CCSER1: variants seen among roughly 807,000 people sequenced by gnomAD.
The protein encoded by CCSER1 is serine-rich coiled-coil domain-containing protein 1.
A neutral mutation model predicts 82.0 loss-of-function variants in CCSER1; 41 were observed. That is an observed-to-expected ratio of 0.50 (90% CI 0.39 to 0.65). The LOEUF is 0.65. Ranked by LOEUF, CCSER1 falls within the 30% of genes least tolerant of loss-of-function variation. The pLI is 0.00. For missense variants in CCSER1, 1,119 were observed against 1,064.2 expected, an observed-to-expected ratio of 1.05 and a Z score of -0.72; for synonymous variants, 414 against 383.9, an observed-to-expected ratio of 1.08 and a Z score of -0.92.
At chr4:90,405,848 A>G (rs1753631213) in intron 4 of CCSER1, among the ~76,000 whole-genome samples, 1 of 152,226 alleles carries the variant, frequency 6.6e-6, no homozygotes, top group Non-Finnish European at 1.5e-5. Flanking sequence ...CACTACAGGA[A>G]CTGCCAAAAG....
intron 6 of CCSER1, among the ~76,000 whole-genome samples, chr4:90,719,436 TA>T (rs1742288926): frequency 6.6e-6 from 1 of 152,136 alleles, no homozygotes; most frequent in Admixed American, 6.6e-5. Flanking sequence ...ACGTGCACAA[TA>T]AATGTACTTG....
At chr4:91,164,803 A>G (rs1172808100) in intron 10 of CCSER1, among the ~76,000 whole-genome samples, 1 of 152,122 alleles carries the variant, frequency 6.6e-6, no homozygotes, top group Non-Finnish European at 1.5e-5. Flanking sequence ...GGTCTTCTCC[A>G]CACTGTTCAT....
At chr4:91,436,100 G>C (rs930208675) in intron 10 of CCSER1, among the ~76,000 whole-genome samples, 1 of 152,052 alleles carries the variant, frequency 6.6e-6, no homozygotes, top group African/African-American at 2.4e-5. Flanking sequence ...TTATTAGGTT[G>C]GTTCAAACAT....
intron 10 of CCSER1, among the ~76,000 whole-genome samples, chr4:91,395,233 AG>A (rs901632541): frequency 2.2e-4 from 34 of 152,188 alleles, no homozygotes; most frequent in African/African-American, 7.7e-4. Flanking sequence ...CAGTTACAGG[AG>A]CAAAATGTTC....
At chr4:91,551,074 C>G (rs1056937300) in intron 10 of CCSER1, among the ~76,000 whole-genome samples, 1 of 151,862 alleles carries the variant, frequency 6.6e-6, no homozygotes. Flanking sequence ...TACTATATTT[C>G]TAGGGGCATG....
intron 10 of CCSER1, among the ~76,000 whole-genome samples, chr4:91,224,760 G>A (rs1446228681): frequency 6.6e-6 from 1 of 151,904 alleles, no homozygotes; most frequent in Non-Finnish European, 1.5e-5. Flanking sequence ...CATTAAACAT[G>A]AGAATATTTC....
At chr4:91,254,227 C>T (rs1013255832) in intron 10 of CCSER1, among the ~76,000 whole-genome samples, 1 of 152,154 alleles carries the variant, frequency 6.6e-6, no homozygotes, top group Non-Finnish European at 1.5e-5. Flanking sequence ...GACGTATACA[C>T]AGAAGACTTT....
chr4:91,092,322 A>C (rs1724047244), intron 10 of CCSER1, among the ~76,000 whole-genome samples: 1 of 152,214 alleles, frequency 6.6e-6, no homozygotes, highest in Non-Finnish European at 1.5e-5. Context: ...TCAAAGAAGC[A>C]CATGGGTTAC....
intron 10 of CCSER1, among the ~76,000 whole-genome samples, chr4:91,402,519 T>C (rs1376947663): frequency 6.6e-6 from 1 of 152,326 alleles, no homozygotes; most frequent in African/African-American, 2.4e-5. Context: ...AGAATTTTTA[T>C]GGTTTTAGGT....
intron 5 of CCSER1, among the ~76,000 whole-genome samples, chr4:90,559,746 C>G (rs529087456): frequency 7.1e-6 from 1 of 141,688 alleles, no homozygotes; most frequent in African/African-American, 2.7e-5. Flanking sequence ...GGAGGCGGAG[C>G]TTGCAGTGCG....
intron 9 of CCSER1, among the ~76,000 whole-genome samples, chr4:91,052,032 A>T (rs6837092): frequency 0.17 from 25,769 of 152,054 alleles, 2,268 homozygotes; most frequent in Admixed American, 0.22. Context: ...AATATTTTTT[A>T]AAATTTATAT....
chr4:91,495,604 C>T (rs1758758813), intron 10 of CCSER1, among the ~76,000 whole-genome samples: 1 of 151,228 alleles, frequency 6.6e-6, no homozygotes, highest in Non-Finnish European at 1.5e-5. Context: ...TACTTCAATT[C>T]CATGAGTCAT....
intron 1 of CCSER1, among the ~76,000 whole-genome samples, chr4:90,210,725 A>G (rs1202978650): frequency 6.6e-6 from 1 of 152,206 alleles, no homozygotes; most frequent in African/African-American, 2.4e-5. Flanking sequence ...GATTATGGGC[A>G]TGAACTACCG....
At chr4:90,733,519 A>T (rs1216029385) in intron 7 of CCSER1, among the ~76,000 whole-genome samples, 1 of 152,076 alleles carries the variant, frequency 6.6e-6, no homozygotes, top group Non-Finnish European at 1.5e-5. Flanking sequence ...GTTGTGCAAA[A>T]GCTTTTTAAC....
chr4:90,575,172 G>A (rs1780601062), intron 5 of CCSER1, among the ~76,000 whole-genome samples: 1 of 152,034 alleles, frequency 6.6e-6, no homozygotes, highest in African/African-American at 2.4e-5. Flanking sequence ...ATTTTATGTT[G>A]CTATAACAAA....
chr4:91,139,160 C>T (rs78929613), intron 10 of CCSER1, among the ~76,000 whole-genome samples: 3,249 of 152,186 alleles, frequency 0.021, 100 homozygotes, highest in African/African-American at 0.073. Flanking sequence ...TGGGTTAATT[C>T]ATTTAGAAGA....
At chr4:90,874,453 C>T (rs972510239) in intron 8 of CCSER1, among the ~76,000 whole-genome samples, 1 of 151,806 alleles carries the variant, frequency 6.6e-6, no homozygotes, top group Non-Finnish European at 1.5e-5. Context: ...AAAAATCTCA[C>T]CATGGGGTTT....
Position 90,594,804 on chromosome 4 carries a change from C to A in CCSER1, c.1725-33221C>A, listed in dbSNP as rs558242377. Among the ~76,000 whole-genome samples, 4 of 152,010 alleles carry A rather than the reference C, an allele frequency of 2.6e-5. No homozygotes were observed. The East Asian group carries it at 7.7e-4, about 29-fold the overall frequency. Reference sequence around the variant, plus strand: ...CCCCAAACATTGAAAATACATGAGACAAGTGACCATGTCAGAGTTAAAACT... The same window carrying A: ...CCCCAAACATTGAAAATACATGAGAAAAGTGACCATGTCAGAGTTAAAACT... On this transcript the variant is annotated intron_variant, in intron 5 of 10. Transcript: ENST00000509176.
At chr4:90,544,438 C>G (rs79428743) in intron 5 of CCSER1, among the ~76,000 whole-genome samples, 1 of 152,034 alleles carries the variant, frequency 6.6e-6, no homozygotes, top group Non-Finnish European at 1.5e-5. Context: ...AAGTTCCTAG[C>G]GTGAAACTTC....
Sources: allele counts gnomAD v4.1 joint callset (sites outside exome capture counted in the v4.1 genomes callset), GRCh38; gene constraint gnomAD v4.1.1; transcripts MANE v1.5; gene names NCBI Gene and HGNC (gene_info 2026-07-23, HGNC 2026-07-21).